The following RNLS variants were observed in gnomAD, a reference collection of about 807,000 sequenced individuals.
RNLS encodes the protein renalase.
A neutral mutation model predicts 39.8 loss-of-function variants in RNLS; 39 were observed. That is an observed-to-expected ratio of 0.98 (90% confidence interval 0.76 to 1.28). The LOEUF (loss-of-function observed/expected upper bound fraction) is 1.28, where lower values mean the gene tolerates loss of function less well. Among genes scored for constraint, RNLS ranks in the 50% most tolerant of loss-of-function variants. The pLI, the probability that RNLS is intolerant of heterozygous loss-of-function variation, is 0.00. For missense variants in RNLS, 410 were observed against 413.3 expected (o/e 0.99, Z 0.07); for synonymous variants, 147 against 150.7 (o/e 0.98, Z 0.18).
intron 4 of RNLS, among the ~76,000 whole-genome samples, chr10:88,473,233 C>T (rs1843644580): frequency 6.6e-6 from 1 of 152,100 alleles, no homozygotes; most frequent in Non-Finnish European, 1.5e-5. Flanking sequence ...CTGGTGTTGA[C>T]TGAAACACCA....
chr10:88,217,627 C>T, the RNLS span, among the ~76,000 whole-genome samples: 2 of 148,552 alleles, frequency 1.3e-5, no homozygotes, highest in African/African-American at 5.0e-5. Flanking sequence ...TAGAGATGCT[C>T]AAGGTCTGGA....
chr10:88,384,673 C>G lies in RNLS; in HGVS notation c.527-21948G>C, dbSNP rs116796181. The stretch of plus-strand genomic sequence containing the variant: ...CTAGTGTGGAGTAGTCAGAAATGGC[C>G]TGGAAGTTCATTTTTAGTAAAGAGA... On this transcript the variant is annotated intron_variant, in intron 4 of 6. Coordinates refer to ENST00000331772, the MANE Select transcript of RNLS (RefSeq NM_001031709.3). Among the ~76,000 whole-genome samples the G allele has an allele frequency of 6.7e-3, 1,027 of 152,232 alleles. 8 individuals are homozygous for G. Among genetic ancestry groups the G allele is most frequent in the African/African-American group, 0.024 (981 of 41,532 alleles).
chr10:88,459,202 G>C (rs1460708378), intron 4 of RNLS, among the ~76,000 whole-genome samples: 1 of 151,444 alleles, frequency 6.6e-6, no homozygotes, highest in Non-Finnish European at 1.5e-5. Flanking sequence ...TTTTCAAAAA[G>C]CTTTTGGTAG....
At chr10:88,408,129 T>G (rs1406686617) in intron 4 of RNLS, among the ~76,000 whole-genome samples, 4 of 152,164 alleles carry the variant, frequency 2.6e-5, no homozygotes, top group African/African-American at 9.6e-5. Flanking sequence ...ACTAAGGATG[T>G]CTGGAAATTG....
intron 4 of RNLS, among the ~76,000 whole-genome samples, chr10:88,565,361 T>C (rs1849431944): frequency 6.6e-6 from 1 of 152,124 alleles, no homozygotes; most frequent in Non-Finnish European, 1.5e-5. Flanking sequence ...CTGATTTTTC[T>C]CCAGAAAACA....
chr10:88,582,777 C>A (rs1258176133), intron 1 of RNLS, among the ~76,000 whole-genome samples: 1 of 152,214 alleles, frequency 6.6e-6, no homozygotes, highest in East Asian at 1.9e-4. Context: ...AAACTCGGGT[C>A]GGGGCCCCTC....
At chr10:88,216,380 C>A in the RNLS span, among the ~76,000 whole-genome samples, 61 of 152,258 alleles carry the variant, frequency 4.0e-4, no homozygotes, top group African/African-American at 1.4e-3. Context: ...CATAAGATAT[C>A]TGTATTTTTC....
chr10:88,507,942 T>C (rs1330580290), intron 4 of RNLS, among the ~76,000 whole-genome samples: 2 of 152,146 alleles, frequency 1.3e-5, no homozygotes, highest in Non-Finnish European at 2.9e-5. Flanking sequence ...CACCTTAAAA[T>C]AGGGTAAACA....
At chr10:88,419,456 C>T (rs1854247137) in intron 4 of RNLS, among the ~76,000 whole-genome samples, 1 of 152,196 alleles carries the variant, frequency 6.6e-6, no homozygotes. Flanking sequence ...CCATGGAGAA[C>T]AAGAGGTGAG....
chr10:88,465,246 G>A (rs1343734691), intron 4 of RNLS, among the ~76,000 whole-genome samples: 1 of 152,050 alleles, frequency 6.6e-6, no homozygotes, highest in African/African-American at 2.4e-5. Flanking sequence ...TAGAATGCCA[G>A]CAACTGAATT....
chr10:88,406,060 T>C (rs1853245888), intron 4 of RNLS, among the ~76,000 whole-genome samples: 1 of 152,104 alleles, frequency 6.6e-6, no homozygotes, highest in Non-Finnish European at 1.5e-5. Flanking sequence ...CCCCAATCCC[T>C]TCTAGCTTGT....
intron 4 of RNLS, among the ~76,000 whole-genome samples, chr10:88,446,336 G>A (rs1053123941): frequency 6.6e-6 from 1 of 152,120 alleles, no homozygotes; most frequent in African/African-American, 2.4e-5. Flanking sequence ...GAAATTTATA[G>A]CACTAAATGC....
chr10:88,481,951 T>C (rs910122038), intron 4 of RNLS, among the ~76,000 whole-genome samples: 1 of 152,178 alleles, frequency 6.6e-6, no homozygotes, highest in African/African-American at 2.4e-5. Flanking sequence ...AAGGCTAGTT[T>C]TAATGAATAT....
At chr10:88,186,911 T>A in the RNLS span, among the ~76,000 whole-genome samples, 26 of 151,648 alleles carry the variant, frequency 1.7e-4, no homozygotes, top group Admixed American at 4.6e-4. Context: ...CTAGAGAGAA[T>A]CATCAAATTA....
chr10:88,493,657 T>C (rs1448172426), intron 4 of RNLS, among the ~76,000 whole-genome samples: 1 of 152,110 alleles, frequency 6.6e-6, no homozygotes, highest in Non-Finnish European at 1.5e-5. Flanking sequence ...TCTATGAACT[T>C]AGGGGCTTTT....
chr10:88,409,127 C>T (rs1283708308), intron 4 of RNLS, among the ~76,000 whole-genome samples: 1 of 152,042 alleles, frequency 6.6e-6, no homozygotes, highest in Non-Finnish European at 1.5e-5. Context: ...ACACAATATC[C>T]TTTAGTCATT....
chr10:88,339,989 A>G (rs1470663410), intron 5 of RNLS, among the ~76,000 whole-genome samples: 1 of 152,150 alleles, frequency 6.6e-6, no homozygotes, highest in Non-Finnish European at 1.5e-5. Context: ...TCTATATCAC[A>G]TGGCGTTTTA....
chr10:88,243,472 A>AT, the RNLS span, among the ~76,000 whole-genome samples: 23 of 152,274 alleles, frequency 1.5e-4, no homozygotes, highest in Non-Finnish European at 3.2e-4. Flanking sequence ...TCAATGGGAC[A>AT]TTTTTTTGTG....
chr10:88,320,354 A>G (rs1846087367), intron 5 of RNLS, among the ~76,000 whole-genome samples: 1 of 151,870 alleles, frequency 6.6e-6, no homozygotes, highest in Non-Finnish European at 1.5e-5. Context: ...ACATAAGGCC[A>G]AAGTACACGG....
Sources: allele counts gnomAD v4.1 joint callset (sites outside exome capture counted in the v4.1 genomes callset), GRCh38; gene constraint gnomAD v4.1.1; transcripts MANE v1.5; gene names NCBI Gene and HGNC (gene_info 2026-07-23, HGNC 2026-07-21).